The following EIF3I variants were observed in gnomAD, a reference collection of about 807,000 sequenced individuals.
EIF3I encodes the protein eukaryotic translation initiation factor 3 subunit I.
A neutral mutation model predicts 43.3 loss-of-function variants in EIF3I; 20 were observed. That is an observed-to-expected ratio of 0.46 (90% CI 0.32 to 0.67). The LOEUF is 0.67. Among genes scored for constraint, EIF3I ranks in the 30% least tolerant of loss-of-function variants. EIF3I has a pLI of 0.03. For missense variants in EIF3I, 279 were observed against 421.4 expected (o/e 0.66, Z 2.96); for synonymous variants, 167 against 151.7 (o/e 1.10, Z -0.74).
At chr1:32,234,471 C>G (rs114755283), downstream of EIF3I, 1 of 152,692 alleles carries the variant, frequency 6.5e-6, no homozygotes. Context: ...ACAGCGCCAA[C>G]AGTAGCCCTT....
At chr1:32,233,315 C>T (rs183015274), downstream of EIF3I, among the ~76,000 whole-genome samples, 154 of 152,232 alleles carry the variant, frequency 1.0e-3, no homozygotes, top group Non-Finnish European at 1.7e-3. Context: ...CCAACATGCC[C>T]GGCTAATTTT....
At chr1:32,231,172 C>T (rs927962093) in exon 12 of EIF3I, 1 of 1,613,960 alleles carries the variant, frequency 6.2e-7, no homozygotes, top group Non-Finnish European at 8.5e-7. Context: ...ACCCACAGTA[C>T]TTCGAATTTG....
intron 4 of EIF3I, among the ~76,000 whole-genome samples, chr1:32,224,716 G>A (rs547760821): frequency 9.9e-5 from 15 of 150,846 alleles, no homozygotes; most frequent in Non-Finnish European, 1.6e-4. Context: ...TGTCACCCAG[G>A]CTGGAGAGCA....
intron 4 of EIF3I, among the ~76,000 whole-genome samples, chr1:32,224,873 AC>A (rs1208534728): frequency 6.6e-6 from 1 of 151,666 alleles, no homozygotes; most frequent in African/African-American, 2.4e-5. Flanking sequence ...TCGCTGTGTC[AC>A]CCAGGCTGGA....
intron 7 of EIF3I, 56 bp from the exon 8 acceptor site, chr1:32,228,671 C>G: frequency 6.2e-7 from 1 of 1,603,308 alleles, no homozygotes; most frequent in South Asian, 1.1e-5. Context: ...GCTCACCCTG[C>G]CCGACTTCCC....
downstream of EIF3I, among the ~76,000 whole-genome samples, chr1:32,233,074 A>C (rs1639260912): frequency 6.6e-6 from 1 of 152,192 alleles, no homozygotes; most frequent in Non-Finnish European, 1.5e-5. Context: ...GCTCACTGCA[A>C]CCTCTGCTTC....
intron 6 of EIF3I, 104 bp from the exon 7 acceptor site, chr1:32,228,395 C>A: frequency 1.1e-6 from 1 of 920,512 alleles, no homozygotes; most frequent in Non-Finnish European, 1.8e-6. Context: ...GAGGAAAACA[C>A]AAAGTCCATG....
intron 6 of EIF3I, among the ~76,000 whole-genome samples, chr1:32,228,275 T>C (rs1490081285): frequency 1.3e-5 from 2 of 152,136 alleles, no homozygotes. Flanking sequence ...TCCAACAGCT[T>C]TTGCAGTTTA....
chr1:32,223,944 T>A, intron 2 of EIF3I, 90 bp from the exon 3 acceptor site: 1 of 1,164,810 alleles, frequency 8.6e-7, no homozygotes, highest in South Asian at 1.2e-5. Context: ...AGAATCAGCC[T>A]TGCTACAGGC....
downstream of EIF3I, chr1:32,231,914 C>T (rs1481611572): frequency 6.5e-6 from 1 of 152,976 alleles, no homozygotes; most frequent in Non-Finnish European, 1.5e-5. Context: ...TTGCCACACT[C>T]TTCCCCCATG....
chr1:32,230,014 T>C lies in EIF3I; in HGVS notation c.804-252T>C, dbSNP rs1569863538. 2.6e-5 allele frequency among the ~76,000 whole-genome samples: 4 copies of C among 152,288 alleles called. No homozygotes were observed. The East Asian group carries it at 7.7e-4, about 29-fold the overall frequency. On this transcript the variant is annotated intron_variant, in intron 9 of 11. Coordinates refer to ENST00000676679, the Ensembl canonical transcript of EIF3I. ...GCACTCTATAAGTATTAGTTATGTA[T>C]TCAGGCAGACATCTGGGTCCAGTCT... is the stretch of plus-strand genomic sequence containing the variant.
chr1:32,225,560 T>A (rs1393167379), intron 4 of EIF3I, among the ~76,000 whole-genome samples: 1 of 150,092 alleles, frequency 6.7e-6, no homozygotes, highest in Non-Finnish European at 1.5e-5. Context: ...CTGGCCAACA[T>A]GGTGAAACCC....
intron 6 of EIF3I, among the ~76,000 whole-genome samples, chr1:32,227,900 C>T (rs1569861003): frequency 1.3e-5 from 2 of 152,320 alleles, no homozygotes; most frequent in East Asian, 3.9e-4. Context: ...GTCCCTTCCC[C>T]CATGGGGAGA....
In EIF3I at chr1:32,228,595, G is replaced by A. The variant is rs1341889396; in HGVS notation, c.625G>A (p.Asp209Asn). The A allele has an allele frequency of 2.5e-6, 4 of 1,614,198 alleles. No homozygotes were observed. In the South Asian group the frequency reaches 4.4e-5, roughly 18 times the overall value. ...GACCATGTTTGTGACCGCGTCCAAGGACAACACAGCCAAGGTGAGCCTGGG... is the reference window on the plus strand; with the variant it reads ...GACCATGTTTGTGACCGCGTCCAAGAACAACACAGCCAAGGTGAGCCTGGG... Residue 209 changes from aspartate (D) to asparagine (N), a missense_variant, in exon 7 of 12, where the codon GAC becomes AAC. Physicochemically the swap from Asp to Asn is conservative, Grantham distance 23. Transcript: ENST00000676679.
intron 10 of EIF3I, among the ~76,000 whole-genome samples, chr1:32,230,665 A>G (rs1261749299): frequency 6.6e-6 from 1 of 152,038 alleles, no homozygotes; most frequent in Non-Finnish European, 1.5e-5. Flanking sequence ...GTGAAACCCC[A>G]TCTCTACTAA....
intron 4 of EIF3I, 67 bp from the exon 5 acceptor site, chr1:32,226,104 G>C: frequency 6.4e-7 from 1 of 1,568,402 alleles, no homozygotes; most frequent in Non-Finnish European, 8.7e-7. Flanking sequence ...TGTGATGGTA[G>C]CATTCTCTAG....
intron 2 of EIF3I, among the ~76,000 whole-genome samples, chr1:32,223,156 G>T (rs1022596387): frequency 6.6e-6 from 1 of 152,222 alleles, no homozygotes; most frequent in East Asian, 1.9e-4. Flanking sequence ...CAGGATAGGT[G>T]CAGGCTGTGT....
chr1:32,226,663 T>G lies in EIF3I; in HGVS notation c.528+133T>G, dbSNP rs549231205. On this transcript the variant is annotated intron_variant, in intron 6 of 11. Transcript: ENST00000676679. Reference sequence around the variant, plus strand: ...CTCACTGCGACCTCCACCTCCCTGGTTCAAGCAATTCCCCTGCCTTAGCCT... The same window carrying G: ...CTCACTGCGACCTCCACCTCCCTGGGTCAAGCAATTCCCCTGCCTTAGCCT... 1.6e-5 allele frequency: 16 copies of G among 970,540 alleles called. No individual in the cohort carries two copies. In the African/African-American group the frequency reaches 2.2e-4, roughly 14 times the overall value. 60.1% of individuals were successfully genotyped at this position (970,540 alleles called of 1,614,324 possible).
intron 6 of EIF3I, 34 bp downstream of exon 6, chr1:32,226,564 A>G: frequency 7.0e-7 from 1 of 1,421,644 alleles, no homozygotes; most frequent in Non-Finnish European, 9.2e-7. Context: ...GCCTACCAGA[A>G]TAATTTTTTT....
Sources: gnomAD v4.1 joint callset for allele counts (sites outside exome capture counted in the v4.1 genomes callset) on GRCh38, gnomAD v4.1.1 for gene constraint, MANE v1.5 for transcripts, NCBI Gene and HGNC (gene_info 2026-07-23, HGNC 2026-07-21) for gene names.